The following UNC5A variants were observed in gnomAD, a reference collection of about 807,000 sequenced individuals.
UNC5A encodes the protein unc-5 netrin receptor A, also known as netrin receptor UNC5A.
A neutral mutation model predicts 87.4 loss-of-function variants in UNC5A; 20 were observed. The observed-to-expected ratio is 0.23, with a 90% confidence interval of 0.16 to 0.33. The LOEUF is 0.33. UNC5A is among the 10% of genes least tolerant of loss of function. UNC5A has a pLI of 1.00. For synonymous variants in UNC5A, 438 were observed against 482.3 expected (o/e 0.91, Z 1.20); for missense variants, 844 against 1,133.4 (o/e 0.74, Z 3.67).
intron 1 of UNC5A, among the ~76,000 whole-genome samples, chr5:176,832,981 C>T (rs1757064058): frequency 6.6e-6 from 1 of 152,168 alleles, no homozygotes; most frequent in South Asian, 2.1e-4. Flanking sequence ...AGGCTCATGC[C>T]TTCTTAAATC....
Position 176,877,464 on chromosome 5 carries a change from T to TGGACTAGCCCTC in UNC5A, c.1467-69_1467-68insACTAGCCCTCGG, listed in dbSNP as rs796380681. 6 of 1,508,394 alleles carry TGGACTAGCCCTC rather than the reference T, an allele frequency of 4.0e-6. No individual in the cohort carries two copies. The African/African-American group carries it at 8.3e-5, about 21-fold the overall frequency. 93.4% of individuals were successfully genotyped at this position (1,508,394 alleles called of 1,614,324 possible). ...CCCTGGGATGCTGCTGCCCTGCCCTTGGCCTAGCCCTCAGGACCCAGGATG... is the reference window on the plus strand; with the variant it reads ...CCCTGGGATGCTGCTGCCCTGCCCTTGGACTAGCCCTCGGCCTAGCCCTCAGGACCCAGGATG... On this transcript the variant is annotated intron_variant, in intron 9 of 14. Coordinates refer to ENST00000329542, the MANE Select transcript of UNC5A (RefSeq NM_133369.3).
At chr5:176,813,915 C>T (rs1756528945) in intron 1 of UNC5A, among the ~76,000 whole-genome samples, 2 of 152,184 alleles carry the variant, frequency 1.3e-5, no homozygotes, top group Non-Finnish European at 2.9e-5. Flanking sequence ...TGTTCTAGGC[C>T]ACCCCTCTCC....
intron 1 of UNC5A, among the ~76,000 whole-genome samples, chr5:176,845,046 C>T (rs1371985870): frequency 1.3e-5 from 2 of 152,234 alleles, no homozygotes; most frequent in African/African-American, 4.8e-5. Context: ...GCACCGCCAT[C>T]TACTCACGCA....
In UNC5A at chr5:176,868,636, G is replaced by C; in HGVS notation, c.512G>C (p.Arg171Pro). 6.2e-7 allele frequency: 1 copy of C among 1,604,390 alleles called. No individual in the cohort carries two copies. The highest frequency in any genetic ancestry group is 8.5e-7 in the Non-Finnish European group (1 of 1,176,142). ...GAGCAGGGCATCGTGCTGCCCTGCC[G>C]TCCACCGGAGGGCATCCCTCCAGCC... ...SLEQGIVLPC[R>P]PPEGIPPAEV... The change falls in exon 4 of 15, where the codon CGT (arginine) becomes CCT (proline). Residue 171 changes from arginine to proline, a missense_variant. Transcript: ENST00000329542.
rs73340049 is a variant in UNC5A at position 176,823,125 on chromosome 5, G to T, written c.70+12305G>T. 8.5e-3 allele frequency among the ~76,000 whole-genome samples: 1,269 copies of T among 150,038 alleles called. 20 individuals are homozygous for T. Among genetic ancestry groups the T allele is most frequent in the African/African-American group, 0.026 (1,067 of 40,718 alleles). On this transcript the variant is annotated intron_variant, in intron 1 of 14. Coordinates refer to ENST00000329542, the MANE Select transcript of UNC5A (RefSeq NM_133369.3). ...CAGCAGGGATGGAGTAAGAGAGATG[G>T]ATGTGGGAGACGCTGCAAAGGGGGA...
chr5:176,874,092 T>A lies in UNC5A; in HGVS notation c.1011T>A (p.Asp337Glu). ...YCRKKEGLDS[D>E]VADSSILTSG... is the part of the protein sequence containing the mutation. ...GGAAGAAGGAGGGGCTGGACTCAGATGTGGCTGACTCGTCCATTCTCACCT... is the reference window on the plus strand; with the variant it reads ...GGAAGAAGGAGGGGCTGGACTCAGAAGTGGCTGACTCGTCCATTCTCACCT... Residue 337 changes from aspartate (D) to glutamate (E), a missense_variant, in exon 7 of 15, where the codon GAT becomes GAA. Physicochemically the swap from Asp to Glu is conservative, Grantham distance 45. This residue lies in a region of UNC5A where 353 missense variants were observed against 387.5 expected (regional missense o/e 0.91). Coordinates refer to ENST00000329542, the MANE Select transcript of UNC5A (RefSeq NM_133369.3). This position sits in a 1 kb window ranked among gnomAD's most constrained non-coding sequence, Gnocchi z 7.6. 6.2e-7 allele frequency: 1 copy of A among 1,614,062 alleles called. No homozygotes were observed. Among genetic ancestry groups the A allele is most frequent in the Non-Finnish European group, 8.5e-7 (1 of 1,179,976 alleles).
intron 1 of UNC5A, among the ~76,000 whole-genome samples, chr5:176,819,037 C>T (rs1756663684): frequency 6.6e-6 from 1 of 152,208 alleles, no homozygotes; most frequent in Non-Finnish European, 1.5e-5. Context: ...CAGTAAGCTC[C>T]CCAAATGGTT....
chr5:176,852,970 G>A (rs781598427), intron 1 of UNC5A, among the ~76,000 whole-genome samples: 12 of 152,252 alleles, frequency 7.9e-5, no homozygotes, highest in African/African-American at 1.2e-4. Flanking sequence ...GGTGGCAGGC[G>A]TGAGGAGGAA....
chr5:176,864,993 C>T (rs898715382), intron 2 of UNC5A: 1 of 362,256 alleles, frequency 2.8e-6, no homozygotes, highest in Non-Finnish European at 5.5e-6. Flanking sequence ...CAAGTCCCTC[C>T]CCTCCCTGGG....
chr5:176,877,349 C>A, intron 9 of UNC5A, 70 bp downstream of exon 9: 2 of 1,450,918 alleles, frequency 1.4e-6, no homozygotes, highest in South Asian at 1.2e-5. Context: ...CAGGAAGCCC[C>A]CTGCCCACCC....
intron 1 of UNC5A, among the ~76,000 whole-genome samples, chr5:176,822,224 G>T (rs951578076): frequency 2.0e-5 from 3 of 152,264 alleles, no homozygotes; most frequent in Non-Finnish European, 4.4e-5. Flanking sequence ...TGTGTGGCCC[G>T]CGGGGCGGGG....
At chr5:176,870,263 G>T (rs940024246) in intron 5 of UNC5A, 107 bp from the exon 6 acceptor site, 10 of 1,415,508 alleles carry the variant, frequency 7.1e-6, no homozygotes, top group Non-Finnish European at 8.6e-6. Flanking sequence ...AATCCAGGCT[G>T]CCTTGCACTG....
chr5:176,877,195 T>A lies in UNC5A; in HGVS notation c.1382T>A (p.Ile461Asn). 6.2e-7 allele frequency: 1 copy of A among 1,611,402 alleles called. No individual in the cohort carries two copies. Among genetic ancestry groups the A allele is most frequent in the Non-Finnish European group, 8.5e-7 (1 of 1,178,564 alleles). The stretch of plus-strand genomic sequence containing the variant: ...GGCCCTCTTCCTGCCGTTCCAGGAA[T>A]CAGCCTCCTCATCCCCCCAGATGCC... ...GGRLMIPNTG[I>N]SLLIPPDAIP... Residue 461 changes from isoleucine (I) to asparagine (N), a missense_variant, in exon 9 of 15, where the codon ATC becomes AAC. Ile to Asn is a moderately radical substitution (Grantham distance 149, BLOSUM62 -3). Transcript: ENST00000329542.
chr5:176,866,597 A>C lies in UNC5A; in HGVS notation c.293-1533A>C, dbSNP rs1364999472. ...TCCACCCAAGGGAGAAAAAGTACCC[A>C]GTTCAGAATGTTCTGGAGGTCTCCC... is the stretch of plus-strand genomic sequence containing the variant. On this transcript the variant is annotated intron_variant, in intron 2 of 14. Coordinates refer to ENST00000329542, the MANE Select transcript of UNC5A (RefSeq NM_133369.3). The surrounding 1 kb of genome is among the most constrained non-coding windows in gnomAD (Gnocchi z 5.0). Among the ~76,000 whole-genome samples the C allele has an allele frequency of 6.6e-6, 1 of 152,194 alleles. No homozygotes were observed. Among genetic ancestry groups the C allele is most frequent in the Non-Finnish European group, 1.5e-5 (1 of 68,028 alleles).
At chr5:176,860,567 T>C (rs981244072) in intron 1 of UNC5A, among the ~76,000 whole-genome samples, 5 of 152,174 alleles carry the variant, frequency 3.3e-5, no homozygotes, top group African/African-American at 1.2e-4. Flanking sequence ...GTACACTTGA[T>C]GAGCCCAGTG....
chr5:176,818,882 G>A (rs916227368), intron 1 of UNC5A, among the ~76,000 whole-genome samples: 14 of 152,168 alleles, frequency 9.2e-5, no homozygotes, highest in Admixed American at 3.9e-4. Context: ...GCCACCAGAC[G>A]TTGATTATTA....
In UNC5A at chr5:176,865,411, G is replaced by A. The variant is rs908299946; in HGVS notation, c.292+2566G>A. On this transcript the variant is annotated intron_variant, in intron 2 of 14. Coordinates refer to ENST00000329542, the MANE Select transcript of UNC5A (RefSeq NM_133369.3). This position sits in a 1 kb window ranked among gnomAD's most constrained non-coding sequence, Gnocchi z 5.3. ...AGGCCCGGGCCGGCACACACACCGG[G>A]AGCCCCTGGCCCACACTCCCCAGCC... is the stretch of plus-strand genomic sequence containing the variant. 5.6e-6 allele frequency: 2 copies of A among 355,054 alleles called. No homozygotes were observed. The highest frequency in any genetic ancestry group is 7.6e-5 in the East Asian group (1 of 13,176). The allele number at this position is 355,054 out of a possible 1,614,324, so 22.0% of individuals were successfully genotyped here.
intron 1 of UNC5A, among the ~76,000 whole-genome samples, chr5:176,834,981 G>A (rs1433495541): frequency 6.6e-6 from 1 of 152,248 alleles, no homozygotes; most frequent in Admixed American, 6.5e-5. Context: ...GGCAGGCTGG[G>A]CCCATCCTGT....
At chr5:176,835,728 G>GGTGTGTGTGT (rs1444755132) in intron 1 of UNC5A, among the ~76,000 whole-genome samples, 2 of 63,476 alleles carry the variant, frequency 3.2e-5, no homozygotes, top group African/African-American at 9.2e-5. Flanking sequence ...TTTGATAAAG[G>GGTGTGTGTGT]ATGTGTGTGT....
Sources: allele counts gnomAD v4.1 joint callset (sites outside exome capture counted in the v4.1 genomes callset), GRCh38; gene constraint gnomAD v4.1.1; regional missense constraint gnomAD v4.1.1; non-coding constraint Gnocchi (gnomAD v3.1); transcripts MANE v1.5; gene names NCBI Gene and HGNC (gene_info 2026-07-23, HGNC 2026-07-21).